The following BTBD7 variants were observed in gnomAD, a reference collection of about 807,000 sequenced individuals.
BTBD7 encodes BTB domain containing 7.
BTBD7 carries 38 observed loss-of-function variants against 99.9 expected under a neutral mutation model. The ratio of observed to expected loss-of-function variants is 0.38; its 90% CI spans 0.29 to 0.50. The LOEUF (loss-of-function observed/expected upper bound fraction) is 0.50. BTBD7 is among the 20% of genes least tolerant of loss of function. The probability of loss-of-function intolerance (pLI) is 0.93; values close to 1 mark genes in which losing one functional copy is unlikely to be tolerated. For synonymous variants in BTBD7, 520 were observed against 511.4 expected, an observed-to-expected ratio of 1.02 and a Z score of -0.23; for missense variants, 1,170 against 1,394.6, an observed-to-expected ratio of 0.84 and a Z score of 2.57.
chr14:93,331,879 T>TTCCC (rs2053423174), intron 1 of BTBD7, among the ~76,000 whole-genome samples: 2 of 133,182 alleles, frequency 1.5e-5, no homozygotes, highest in Admixed American at 7.1e-5. Flanking sequence ...AGACTCCGTC[T>TTCCC]CCCCCCCCCC....
intron 3 of BTBD7, among the ~76,000 whole-genome samples, chr14:93,279,682 G>A (rs2052696517): frequency 6.6e-6 from 1 of 152,068 alleles, no homozygotes; most frequent in African/African-American, 2.4e-5. Context: ...CGAGCAGCTG[G>A]GATTACAGGT....
rs1344822903 is a variant in BTBD7 at position 93,332,937 on chromosome 14, C to T, written c.-224G>A. Reference sequence around the variant, plus strand: ...CCAGCACCCCCGGCCATCCTCCTCCCACCGCCGCCGCCGCCGCCCTCTCCT... The same window carrying T: ...CCAGCACCCCCGGCCATCCTCCTCCTACCGCCGCCGCCGCCGCCCTCTCCT... On this transcript the variant is annotated 5_prime_UTR_variant, in exon 1 of 11. Transcript: ENST00000334746. 7 of 890,798 alleles carry T rather than the reference C, an allele frequency of 7.9e-6. No homozygotes were observed. In the Admixed American group the frequency reaches 3.2e-4, roughly 41 times the overall value. 55.2% of individuals were successfully genotyped at this position (890,798 alleles called of 1,614,324 possible).
chr14:93,294,244 A>C lies in BTBD7; in HGVS notation c.776T>G (p.Leu259Arg). Reference protein sequence around the residue: ...VVLSFSSDSELVEAFGGNQNC... With the variant: ...VVLSFSSDSERVEAFGGNQNC... The stretch of plus-strand genomic sequence containing the variant: ...CTGATTTCCACCAAAAGCTTCAACC[A>C]GTTCAGAGTCTGAAGAAAAACTAAG... Residue 259 changes from leucine to arginine, a missense_variant, in exon 3 of 11, where the codon CTG becomes CGG. By Grantham distance (102) the Leu-to-Arg change is moderately radical. Transcript: ENST00000334746. The C allele has an allele frequency of 6.2e-7, 1 of 1,613,840 alleles. No homozygotes were observed. The highest frequency in any genetic ancestry group is 8.5e-7 in the Non-Finnish European group (1 of 1,179,954).
At chr14:93,295,055 C>A in intron 2 of BTBD7, 118 bp from the exon 3 acceptor site, 3 of 998,988 alleles carry the variant, frequency 3.0e-6, no homozygotes, top group South Asian at 3.9e-5. Context: ...CTCAAAATTG[C>A]ATTTGTTTTT....
At position 93,281,423 on chromosome 14, in the gene BTBD7, C is replaced by T. The variant is rs190449147; in HGVS notation, c.1162+12435G>A. Among the ~76,000 whole-genome samples the T allele has an allele frequency of 3.3e-5, 5 of 152,302 alleles. No individual in the cohort carries two copies. The East Asian group carries it at 5.8e-4, about 18-fold the overall frequency. On this transcript the variant is annotated intron_variant, in intron 3 of 10. Transcript: ENST00000334746. ...AACTGCTGGGATTACAGGCATGAGC[C>T]GCCTCACCTAGCCCAAAAGGTACTT...
chr14:93,283,342 T>C (rs2052742211), intron 3 of BTBD7, among the ~76,000 whole-genome samples: 1 of 152,156 alleles, frequency 6.6e-6, no homozygotes, highest in Admixed American at 6.5e-5. Context: ...CCTCCCAAAG[T>C]GTTGGGATTA....
At chr14:93,330,222 A>G (rs747389092) in intron 1 of BTBD7, among the ~76,000 whole-genome samples, 1 of 152,172 alleles carries the variant, frequency 6.6e-6, no homozygotes, top group Non-Finnish European at 1.5e-5. Context: ...AATCTCCTCA[A>G]TTCAGCACTC....
At chr14:93,277,342 GA>G (rs2052667519) in intron 3 of BTBD7, among the ~76,000 whole-genome samples, 2 of 152,174 alleles carry the variant, frequency 1.3e-5, no homozygotes, top group African/African-American at 4.8e-5. Context: ...ATAATGAAGG[GA>G]AAGCATTCAT....
intron 1 of BTBD7, among the ~76,000 whole-genome samples, chr14:93,311,910 ATTT>A (rs2053143052): frequency 7.0e-6 from 1 of 143,706 alleles, no homozygotes; most frequent in African/African-American, 2.8e-5. Flanking sequence ...TAGTCATTGC[ATTT>A]TTAACTTTGT....
intron 3 of BTBD7, among the ~76,000 whole-genome samples, chr14:93,284,103 G>A (rs1457510021): frequency 6.6e-6 from 1 of 152,080 alleles, no homozygotes; most frequent in Non-Finnish European, 1.5e-5. Context: ...TATATAATTA[G>A]TTCTTTGATC....
Position 93,294,182 on chromosome 14 carries a change from C to T in BTBD7, c.838G>A (p.Val280Ile). Residue 280 changes from valine to isoleucine, a missense_variant, in exon 3 of 11, where the codon GTT becomes ATT. By Grantham distance (29) the Val-to-Ile change is conservative. Around this residue, in one of 4 missense-constraint regions of BTBD7, gnomAD observed 359 missense variants for 497.9 expected, o/e 0.72. Transcript: ENST00000334746. Reference protein sequence around the residue: ...LDEELKAHKAVISARSPFFRN... With the variant: ...LDEELKAHKAIISARSPFFRN... ...AAAAATGGGGACCGTGCAGAAATAA[C>T]AGCCTTGTGGGCTTTGAGCTCTTCA... 6.2e-7 allele frequency: 1 copy of T among 1,614,170 alleles called. No homozygotes were observed. The highest frequency in any genetic ancestry group is 1.1e-5 in the South Asian group (1 of 91,088).
At chr14:93,329,720 C>T (rs962787240) in intron 1 of BTBD7, among the ~76,000 whole-genome samples, 1 of 152,154 alleles carries the variant, frequency 6.6e-6, no homozygotes, top group Non-Finnish European at 1.5e-5. Flanking sequence ...TATAATTTCA[C>T]TTATACGTGG....
At position 93,281,895 on chromosome 14, in the gene BTBD7, C is replaced by T. The variant is rs541665888; in HGVS notation, c.1162+11963G>A. Among the ~76,000 whole-genome samples the T allele has an allele frequency of 5.3e-5, 8 of 152,186 alleles. No individual in the cohort carries two copies. In the South Asian group the frequency reaches 6.2e-4, roughly 12 times the overall value. Reference sequence around the variant, plus strand: ...AATTAATTCAGAGGTAAAGTTTTACCAGAGAGTTATTATAGGAGATGGTTT... The same window carrying T: ...AATTAATTCAGAGGTAAAGTTTTACTAGAGAGTTATTATAGGAGATGGTTT... On this transcript the variant is annotated intron_variant, in intron 3 of 10. Coordinates refer to ENST00000334746, the MANE Select transcript of BTBD7 (RefSeq NM_001002860.4).
At chr14:93,326,523 C>G (rs1403420977) in intron 1 of BTBD7, among the ~76,000 whole-genome samples, 1 of 151,526 alleles carries the variant, frequency 6.6e-6, no homozygotes, top group Non-Finnish European at 1.5e-5. Context: ...AAAACTGGGC[C>G]AGACATGGTA....
At chr14:93,302,088 GT>G (rs1048660187) in intron 1 of BTBD7, among the ~76,000 whole-genome samples, 1 of 152,172 alleles carries the variant, frequency 6.6e-6, no homozygotes, top group African/African-American at 2.4e-5. Flanking sequence ...CTGGTGGTCT[GT>G]CTGGCTGGCA....
At chr14:93,249,881 A>G (rs1419065952) in intron 8 of BTBD7, among the ~76,000 whole-genome samples, 1 of 152,230 alleles carries the variant, frequency 6.6e-6, no homozygotes, top group Non-Finnish European at 1.5e-5. Context: ...TATTTATGAA[A>G]GAAACTGACT....
At chr14:93,332,747 T>C in intron 1 of BTBD7, 73 bp downstream of exon 1, 1 of 1,424,274 alleles carries the variant, frequency 7.0e-7, no homozygotes, top group African/African-American at 1.5e-5. Context: ...AGCCCCTTCC[T>C]CTCCCGGACG....
intron 1 of BTBD7, among the ~76,000 whole-genome samples, chr14:93,311,626 A>G (rs1400280435): frequency 2.0e-5 from 3 of 152,158 alleles, no homozygotes; most frequent in African/African-American, 7.2e-5. Context: ...TTTCTCACAT[A>G]TGAAAACCCT....
intron 1 of BTBD7, among the ~76,000 whole-genome samples, chr14:93,315,617 T>G (rs2053192527): frequency 6.6e-6 from 1 of 152,228 alleles, no homozygotes; most frequent in African/African-American, 2.4e-5. Context: ...TTTCTACCTC[T>G]ATTATTTTGG....
Sources: allele counts gnomAD v4.1 joint callset (sites outside exome capture counted in the v4.1 genomes callset), GRCh38; gene constraint gnomAD v4.1.1; regional missense constraint gnomAD v4.1.1; transcripts MANE v1.5; gene names NCBI Gene and HGNC (gene_info 2026-07-23, HGNC 2026-07-21).